The following FGF12 variants were observed in gnomAD, a reference collection of about 807,000 sequenced individuals.
FGF12 encodes the protein fibroblast growth factor 12, also known as fibroblast growth factor 12B.
FGF12 carries 14 observed loss-of-function variants against 23.6 expected under a neutral mutation model. That is an observed-to-expected ratio of 0.59 (90% CI 0.39 to 0.93). The LOEUF (loss-of-function observed/expected upper bound fraction) is 0.93, where lower values mean the gene tolerates loss of function less well. Among genes scored for constraint, FGF12 ranks in the 40% least tolerant of loss-of-function variants. FGF12 has a pLI of 0.00. For synonymous variants in FGF12, 62 were observed against 77.3 expected, an observed-to-expected ratio of 0.80 and a Z score of 1.04; for missense variants, 175 against 217.8, an observed-to-expected ratio of 0.80 and a Z score of 1.24.
In FGF12 at chr3:192,465,574, A is replaced by G. The variant is rs1304838000; in HGVS notation, c.14-105036T>C. ...ACTTGGTCGATGGAGAGTTCCCTCC[A>G]TTCTCTCTCTGATAAAGATGGTTTG... On this transcript the variant is annotated intron_variant, in intron 2 of 5. Coordinates refer to ENST00000445105, the MANE Select transcript of FGF12 (RefSeq NM_004113.6). Among the ~76,000 whole-genome samples the G allele has an allele frequency of 2.6e-5, 4 of 151,978 alleles. No homozygotes were observed. In the East Asian group the frequency reaches 7.7e-4, roughly 29 times the overall value.
At chr3:192,333,473 A>G (rs1159426049) in intron 4 of FGF12, among the ~76,000 whole-genome samples, 2 of 152,114 alleles carry the variant, frequency 1.3e-5, no homozygotes, top group African/African-American at 4.8e-5. Flanking sequence ...CTGGACATTA[A>G]GAATTGTTAG....
chr3:192,236,600 GAA>G (rs1358291318), intron 4 of FGF12, among the ~76,000 whole-genome samples: 2 of 152,146 alleles, frequency 1.3e-5, no homozygotes, highest in Non-Finnish European at 2.9e-5. Flanking sequence ...TTATCATTAT[GAA>G]ATTCCCTTAT....
chr3:192,680,475 G>T (rs1211785195), intron 2 of FGF12, among the ~76,000 whole-genome samples: 1 of 152,174 alleles, frequency 6.6e-6, no homozygotes. Context: ...TATGAAGAAA[G>T]GAGTTTTTGC....
rs1722065412 is a variant in FGF12 at position 192,437,562 on chromosome 3, G to T, written c.14-77024C>A. Among the ~76,000 whole-genome samples, 2 of 152,002 alleles carry T rather than the reference G, an allele frequency of 1.3e-5. 1 individual carries two copies. The highest frequency in any genetic ancestry group is 4.1e-4 in the South Asian group (2 of 4,822). ...AAACCATTAGCCGGGTGTGGTGGTG[G>T]GTGCCTGTAATCCCACCTACTCAGG... is the stretch of plus-strand genomic sequence containing the variant. On this transcript the variant is annotated intron_variant, in intron 2 of 5. Coordinates refer to ENST00000445105, the MANE Select transcript of FGF12 (RefSeq NM_004113.6).
At chr3:192,315,160 A>C (rs1288634289) in intron 4 of FGF12, among the ~76,000 whole-genome samples, 1 of 152,224 alleles carries the variant, frequency 6.6e-6, no homozygotes, top group East Asian at 1.9e-4. Context: ...CCATAAATAC[A>C]GCAGACTGTG....
chr3:192,562,796 G>T lies in FGF12; in HGVS notation c.13+164385C>A, dbSNP rs373275498. On this transcript the variant is annotated intron_variant, in intron 2 of 5. Coordinates refer to ENST00000445105, the MANE Select transcript of FGF12 (RefSeq NM_004113.6). ...TTTGCCCAGGCTGGAGTGCAGTGGC[G>T]CAATGTTTCACTGTGCTATGAGAGA... 2.0e-4 allele frequency among the ~76,000 whole-genome samples: 30 copies of T among 151,188 alleles called. No homozygotes were observed. In the South Asian group the frequency reaches 5.6e-3, roughly 28 times the overall value.
intron 2 of FGF12, among the ~76,000 whole-genome samples, chr3:192,466,040 A>G (rs527333882): frequency 1.4e-4 from 22 of 152,316 alleles, no homozygotes; most frequent in African/African-American, 5.1e-4. Context: ...ACCACGGAGC[A>G]TACGTACACA....
chr3:192,415,774 A>T (rs895865238), intron 2 of FGF12, among the ~76,000 whole-genome samples: 3 of 151,396 alleles, frequency 2.0e-5, no homozygotes, highest in Admixed American at 6.6e-5. Flanking sequence ...ACACACACAC[A>T]CACTCATGTT....
chr3:192,475,855 G>C (rs1723301708), intron 2 of FGF12, among the ~76,000 whole-genome samples: 1 of 152,128 alleles, frequency 6.6e-6, no homozygotes, highest in African/African-American at 2.4e-5. Context: ...ACCACTTGAA[G>C]CCTAAAATCA....
rs771417255 is a variant in FGF12 at position 192,714,605 on chromosome 3, G to A, written c.13+12576C>T. Among the ~76,000 whole-genome samples the A allele has an allele frequency of 3.7e-3, 506 of 136,404 alleles. 3 individuals are homozygous for A. The highest frequency in any genetic ancestry group is 5.1e-3 in the Admixed American group (62 of 12,116). 89.5% of individuals were successfully genotyped at this position (136,404 alleles called of 152,430 possible). On this transcript the variant is annotated intron_variant, in intron 2 of 5. Transcript: ENST00000445105. ...GCAATCTCGGCTCACTGCAAGCTCC[G>A]CCTCCCGGGTTCACGCCATTCTCCT...
At chr3:192,510,160 T>G (rs139761989) in intron 2 of FGF12, among the ~76,000 whole-genome samples, 2 of 152,270 alleles carry the variant, frequency 1.3e-5, no homozygotes, top group African/African-American at 4.8e-5. Flanking sequence ...ACATTTCATT[T>G]GTCTGAGCAA....
At chr3:192,367,806 A>G (rs1246104676) in intron 2 of FGF12, among the ~76,000 whole-genome samples, 1 of 152,138 alleles carries the variant, frequency 6.6e-6, no homozygotes, top group Non-Finnish European at 1.5e-5. Flanking sequence ...TGCTCTGTGG[A>G]GTAAAGTGAG....
intron 2 of FGF12, among the ~76,000 whole-genome samples, chr3:192,547,160 T>C (rs1203295575): frequency 6.6e-6 from 1 of 152,166 alleles, no homozygotes; most frequent in East Asian, 1.9e-4. Context: ...AAAAGAAACC[T>C]TGTGATGACT....
intron 4 of FGF12, among the ~76,000 whole-genome samples, chr3:192,301,072 A>G (rs913675804): frequency 1.1e-4 from 17 of 152,316 alleles, no homozygotes; most frequent in African/African-American, 2.6e-4. Context: ...TGCATGGGAC[A>G]AAGAAGAGTA....
chr3:192,636,803 A>G (rs1715600446), intron 2 of FGF12, among the ~76,000 whole-genome samples: 1 of 152,210 alleles, frequency 6.6e-6, no homozygotes, highest in East Asian at 1.9e-4. Flanking sequence ...CAATTCCAAA[A>G]TGCTATATGT....
intron 2 of FGF12, among the ~76,000 whole-genome samples, chr3:192,477,743 T>C (rs1052951300): frequency 2.0e-5 from 3 of 152,086 alleles, no homozygotes; most frequent in African/African-American, 4.8e-5. Flanking sequence ...TAGCAGAAAA[T>C]TGCATATGGT....
intron 2 of FGF12, among the ~76,000 whole-genome samples, chr3:192,428,065 T>C (rs1309812868): frequency 6.6e-6 from 1 of 152,220 alleles, no homozygotes; most frequent in East Asian, 1.9e-4. Flanking sequence ...AAAATGCTTT[T>C]CTTATTCAAG....
chr3:192,162,924 G>T (rs57591716), intron 5 of FGF12, among the ~76,000 whole-genome samples: 35,866 of 151,862 alleles, frequency 0.24, 4,419 homozygotes, highest in African/African-American at 0.28. Flanking sequence ...ACAAAACACA[G>T]TAAGACAATG....
intron 2 of FGF12, among the ~76,000 whole-genome samples, chr3:192,543,236 A>C (rs1316123527): frequency 6.6e-6 from 1 of 151,792 alleles, no homozygotes; most frequent in Non-Finnish European, 1.5e-5. Flanking sequence ...AGTCCTTCAC[A>C]CTCTTCCCTC....
Sources: allele counts gnomAD v4.1 joint callset (sites outside exome capture counted in the v4.1 genomes callset), GRCh38; gene constraint gnomAD v4.1.1; transcripts MANE v1.5; gene names NCBI Gene and HGNC (gene_info 2026-07-23, HGNC 2026-07-21).